Variants in SNRNP40 observed in about 807,000 individuals in gnomAD.
SNRNP40 encodes small nuclear ribonucleoprotein U5 subunit 40, also known as U5 small nuclear ribonucleoprotein 40 kDa protein.
A neutral mutation model predicts 45.8 loss-of-function variants in SNRNP40; 21 were observed. That is an observed-to-expected ratio of 0.46 (90% CI 0.32 to 0.66). The LOEUF (loss-of-function observed/expected upper bound fraction) is 0.66. SNRNP40 is among the 30% of genes least tolerant of loss of function. The pLI is 0.03. For synonymous variants in SNRNP40, 142 were observed against 163.8 expected (o/e 0.87, Z 1.01); for missense variants, 344 against 439.1 (o/e 0.78, Z 1.94).
At chr1:31,292,539 G>A (rs1460434100) in intron 2 of SNRNP40, among the ~76,000 whole-genome samples, 1 of 152,126 alleles carries the variant, frequency 6.6e-6, no homozygotes, top group African/African-American at 2.4e-5. Context: ...CAGTGAAGAC[G>A]GGTATCATCC....
intron 1 of SNRNP40, among the ~76,000 whole-genome samples, chr1:31,294,715 G>A (rs755460145): frequency 6.6e-6 from 1 of 152,090 alleles, no homozygotes; most frequent in African/African-American, 2.4e-5. Context: ...TGAGGTGGGC[G>A]GATCACTTGA....
chr1:31,291,515 A>G (rs1429015634), intron 3 of SNRNP40, among the ~76,000 whole-genome samples: 3 of 152,136 alleles, frequency 2.0e-5, no homozygotes, highest in Admixed American at 2.0e-4. Context: ...TGTCTCCACA[A>G]ATGATTTTTA....
intron 3 of SNRNP40, among the ~76,000 whole-genome samples, chr1:31,289,819 C>T (rs183617081): frequency 2.6e-5 from 4 of 152,296 alleles, no homozygotes; most frequent in Non-Finnish European, 5.9e-5. Flanking sequence ...AGCTGAGTGA[C>T]TCCAATCTTT....
At chr1:31,266,010 G>A (rs4949372) in intron 8 of SNRNP40, among the ~76,000 whole-genome samples, 83,209 of 151,872 alleles carry the variant, frequency 0.55, 23,748 homozygotes, top group Non-Finnish European at 0.63. Flanking sequence ...CCTCTTCTAG[G>A]CAGCTCTCTA....
At chr1:31,273,941 T>C (rs1645956119) in intron 5 of SNRNP40, among the ~76,000 whole-genome samples, 1 of 152,012 alleles carries the variant, frequency 6.6e-6, no homozygotes, top group South Asian at 2.1e-4. Flanking sequence ...GAGCAGGGTC[T>C]GGAAGAAGGA....
At chr1:31,275,788 A>G (rs1203440323) in intron 5 of SNRNP40, among the ~76,000 whole-genome samples, 1 of 152,238 alleles carries the variant, frequency 6.6e-6, no homozygotes, top group Non-Finnish European at 1.5e-5. Flanking sequence ...CAAGAGCAAA[A>G]ATAAAGAAAT....
At chr1:31,278,897 CACAG>C (rs1645994240) in intron 5 of SNRNP40, among the ~76,000 whole-genome samples, 1 of 151,980 alleles carries the variant, frequency 6.6e-6, no homozygotes, top group African/African-American at 2.4e-5. Flanking sequence ...TTAAAGACTC[CACAG>C]ACAGAGTAGC....
intron 4 of SNRNP40, among the ~76,000 whole-genome samples, chr1:31,282,769 G>C (rs180762566): frequency 6.6e-6 from 1 of 152,002 alleles, no homozygotes; most frequent in Non-Finnish European, 1.5e-5. Context: ...TCCACCTCAC[G>C]GGCTCAAGCA....
In SNRNP40 at chr1:31,260,100, T is replaced by C; in HGVS notation, c.1046A>G (p.Lys349Arg). The C allele has an allele frequency of 6.2e-7, 1 of 1,605,790 alleles. No individual in the cohort carries two copies. The change falls in exon 10 of 10, where the codon AAG becomes AGG. Residue 349 changes from lysine (K) to arginine (R), a missense_variant. This residue lies in a region of SNRNP40 where 254 missense variants were observed against 380.2 expected (regional missense o/e 0.67). Transcript: ENST00000263694. ...CTGAATCTCTCCCATATACAGTCTC[T>C]TGTCACTCGATGCTGAGATAACTGA... Reference protein sequence around the residue: ...EPIIISASSDKRLYMGEIQ With the variant: ...EPIIISASSDRRLYMGEIQ
At chr1:31,262,570 C>G (rs559359090) in intron 8 of SNRNP40, among the ~76,000 whole-genome samples, 1 of 144,130 alleles carries the variant, frequency 6.9e-6, no homozygotes, top group African/African-American at 2.6e-5. Context: ...ATCAGCTTCT[C>G]TAAACTCCTT....
At chr1:31,287,529 C>G (rs1256708322) in intron 4 of SNRNP40, among the ~76,000 whole-genome samples, 1 of 152,144 alleles carries the variant, frequency 6.6e-6, no homozygotes, top group Admixed American at 6.5e-5. Flanking sequence ...GGGGCATTTC[C>G]ACCTCTTACT....
At position 31,296,712 on chromosome 1, in the gene SNRNP40, G is replaced by A. The variant is rs1422866701; in HGVS notation, c.40C>T (p.Leu14=). ...TGCCGCTGCCGCTTGACTGGAACCA[G>A]CGGCAACTCTGGGCCCTTACGCTTC... is the stretch of plus-strand genomic sequence containing the variant. ...QQKRKGPELP[L]VPVKRQRHEL... Residue 14 remains leucine, a synonymous_variant, in exon 1 of 10, where the codon CTG becomes TTG. Coordinates refer to ENST00000263694, the MANE Select transcript of SNRNP40 (RefSeq NM_004814.3). The A allele has an allele frequency of 1.2e-6, 2 of 1,613,700 alleles. No individual in the cohort carries two copies. The highest frequency in any genetic ancestry group is 1.7e-4 in the Middle Eastern group (1 of 6,058).
intron 4 of SNRNP40, chr1:31,282,558 G>GCTAGCTAT (rs572448148): frequency 1.4e-5 from 2 of 140,762 alleles, no homozygotes; most frequent in African/African-American, 5.4e-5. Flanking sequence ...TGTCGCCTAG[G>GCTAGCTAT]CTATCTATCT....
At chr1:31,260,935 T>TA (rs767108706) in intron 9 of SNRNP40, 128 of 980,154 alleles carry the variant, frequency 1.3e-4, no homozygotes, top group South Asian at 5.1e-4. Flanking sequence ...GAAGTAAATT[T>TA]AAAAAAAAAT....
intron 5 of SNRNP40, among the ~76,000 whole-genome samples, chr1:31,276,998 C>T (rs369411280): frequency 3.3e-5 from 5 of 151,630 alleles, no homozygotes; most frequent in Middle Eastern, 3.4e-3. Flanking sequence ...TGTGCCATTG[C>T]GCTCCAGCCT....
chr1:31,260,883 A>G, intron 9 of SNRNP40: 1 of 669,638 alleles, frequency 1.5e-6, no homozygotes, highest in Non-Finnish European at 1.9e-6. Context: ...AAAAAAAAGT[A>G]TCTTTCTTTT....
chr1:31,272,578 T>G (rs1645946271), intron 5 of SNRNP40, among the ~76,000 whole-genome samples: 1 of 152,216 alleles, frequency 6.6e-6, no homozygotes, highest in Non-Finnish European at 1.5e-5. Context: ...TTTCCTGGTC[T>G]GTAAGATTAG....
intron 8 of SNRNP40, chr1:31,263,679 G>C (rs1035774943): frequency 1.5e-4 from 66 of 433,432 alleles, no homozygotes; most frequent in Admixed American, 6.2e-4. Flanking sequence ...TAACTGATAT[G>C]ATATGGCTTA....
intron 4 of SNRNP40, among the ~76,000 whole-genome samples, chr1:31,285,200 T>C (rs1336710247): frequency 6.6e-6 from 1 of 151,524 alleles, no homozygotes; most frequent in East Asian, 1.9e-4. Flanking sequence ...TTTTTTGGTC[T>C]AAATCATTTG....
Sources: allele counts gnomAD v4.1 joint callset (sites outside exome capture counted in the v4.1 genomes callset), GRCh38; gene constraint gnomAD v4.1.1; regional missense constraint gnomAD v4.1.1; transcripts MANE v1.5; gene names NCBI Gene and HGNC (gene_info 2026-07-23, HGNC 2026-07-21).